TUBGCP3: variants seen among roughly 807,000 people sequenced by gnomAD.
TUBGCP3 encodes the protein gamma-tubulin complex component 3.
Under a neutral mutation model 123.1 loss-of-function variants are expected in TUBGCP3, and 50 were observed. The ratio of observed to expected loss-of-function variants is 0.41; its 90% CI spans 0.32 to 0.51. The LOEUF is 0.51. Among genes scored for constraint, TUBGCP3 ranks in the 20% least tolerant of loss-of-function variants. TUBGCP3 has a pLI of 0.36. For missense variants in TUBGCP3, 882 were observed against 1,127.0 expected (o/e 0.78, Z 3.11); for synonymous variants, 405 against 413.9 (o/e 0.98, Z 0.26).
intron 11 of TUBGCP3, among the ~76,000 whole-genome samples, chr13:112,531,462 C>G (rs896662461): frequency 6.6e-6 from 1 of 152,180 alleles, no homozygotes; most frequent in Non-Finnish European, 1.5e-5. Flanking sequence ...GACGAAGTCA[C>G]CGCGCTCATG....
rs760968217 is a variant in TUBGCP3 at position 112,519,860 on chromosome 13, G to A, written c.1881+26C>T. On this transcript the variant is annotated intron_variant, in intron 15 of 21. Coordinates refer to ENST00000261965, the MANE Select transcript of TUBGCP3 (RefSeq NM_006322.6). This position sits in a 1 kb window ranked among gnomAD's most constrained non-coding sequence, Gnocchi z 6.2. The stretch of plus-strand genomic sequence containing the variant: ...AGTGGGTCCTCGGTGCCGGGGCGGC[G>A]TTCCCAACACGCAGAGCCGCAGTAC... 1.0e-5 allele frequency: 16 copies of A among 1,604,498 alleles called. No homozygotes were observed. The highest frequency in any genetic ancestry group is 2.2e-5 in the South Asian group (2 of 90,318).
chr13:112,490,237 A>G (rs754836508), intron 20 of TUBGCP3, among the ~76,000 whole-genome samples: 2 of 152,204 alleles, frequency 1.3e-5, no homozygotes, highest in Non-Finnish European at 2.9e-5. Flanking sequence ...CTTCTCAGAT[A>G]GCATATATAG....
intron 4 of TUBGCP3, 32 bp downstream of exon 4, chr13:112,559,290 G>A (rs887079958): frequency 1.3e-5 from 21 of 1,589,460 alleles, no homozygotes; most frequent in South Asian, 3.5e-5. Context: ...GTGTCCCGAC[G>A]GACACGACGC....
chr13:112,600,505 T>C, the TUBGCP3 span, among the ~76,000 whole-genome samples: 1 of 152,224 alleles, frequency 6.6e-6, no homozygotes, highest in Non-Finnish European at 1.5e-5. Context: ...GAAAAACTCC[T>C]ATCTTTCAGG....
intron 9 of TUBGCP3, 70 bp downstream of exon 9, chr13:112,548,038 C>T (rs1879214014): frequency 8.2e-7 from 1 of 1,222,716 alleles, no homozygotes; most frequent in African/African-American, 1.5e-5. Context: ...GAACTTAAAA[C>T]ATTCTATATA....
At chr13:112,542,795 A>C (rs1404169290) in intron 11 of TUBGCP3, among the ~76,000 whole-genome samples, 3 of 152,180 alleles carry the variant, frequency 2.0e-5, no homozygotes, top group Non-Finnish European at 4.4e-5. Context: ...CTTAATACAA[A>C]TTGCATATAA....
At chr13:112,527,536 A>G in intron 11 of TUBGCP3, 52 bp from the exon 12 acceptor site, 1 of 1,242,018 alleles carries the variant, frequency 8.1e-7, no homozygotes, top group Non-Finnish European at 1.2e-6. Context: ...ATGGCAAAAT[A>G]TTAACCAACA....
chr13:112,587,045 T>C (rs539184502), intron 1 of TUBGCP3, among the ~76,000 whole-genome samples: 5 of 152,308 alleles, frequency 3.3e-5, no homozygotes, highest in East Asian at 1.9e-4. Flanking sequence ...CCTTCAAAAA[T>C]TGAGTAACTT....
chr13:112,539,817 C>T (rs1284379038), intron 11 of TUBGCP3, among the ~76,000 whole-genome samples: 1 of 151,754 alleles, frequency 6.6e-6, no homozygotes, highest in Non-Finnish European at 1.5e-5. Context: ...GGAAAGGATA[C>T]CTGGGAATGA....
chr13:112,492,937 T>C (rs1440737099), intron 20 of TUBGCP3, among the ~76,000 whole-genome samples: 3 of 148,954 alleles, frequency 2.0e-5, no homozygotes, highest in Non-Finnish European at 4.5e-5. Flanking sequence ...ACTCTAGCTA[T>C]GGGAACGGGG....
upstream of TUBGCP3, chr13:112,588,196 C>G: frequency 4.9e-6 from 2 of 405,122 alleles, no homozygotes; most frequent in Non-Finnish European, 8.7e-6. Flanking sequence ...GCGCCGCGGC[C>G]GCGCGTGCGG....
rs2139169803 is a variant in TUBGCP3 at position 112,485,695 on chromosome 13, CAT to C, written c.*296_*297del. ...TTAAAGTGACAAATATAAATTATAACATAGAAAGCTTAAGAAGCCTCAGCAAA... is the reference window on the plus strand; with the variant it reads ...TTAAAGTGACAAATATAAATTATAACAGAAAGCTTAAGAAGCCTCAGCAAA... On this transcript the variant is annotated 3_prime_UTR_variant, in exon 22 of 22. Transcript: ENST00000261965. 3.0e-6 allele frequency: 1 copy of C among 330,062 alleles called. No individual in the cohort carries two copies. The highest frequency in any genetic ancestry group is 5.0e-5 in the East Asian group (1 of 20,050). The allele number at this position is 330,062 out of a possible 1,614,324, so 20.4% of individuals were successfully genotyped here.
At chr13:112,500,418 C>T (rs142398108) in intron 19 of TUBGCP3, among the ~76,000 whole-genome samples, 145 of 152,082 alleles carry the variant, frequency 9.5e-4, no homozygotes, top group African/African-American at 2.1e-3. Flanking sequence ...GCTAACACTC[C>T]GAAGCGTGAA....
chr13:112,515,653 C>T (rs775675890), intron 17 of TUBGCP3, among the ~76,000 whole-genome samples: 2 of 152,218 alleles, frequency 1.3e-5, no homozygotes, highest in Non-Finnish European at 2.9e-5. Context: ...TCCCTCTCAG[C>T]TAATTCAGAG....
Position 112,565,190 on chromosome 13 carries a change from GA to G in TUBGCP3, c.185-13del, listed in dbSNP as rs762598814. 5 of 1,603,144 alleles carry G rather than the reference GA, an allele frequency of 3.1e-6. No homozygotes were observed. Among genetic ancestry groups the G allele is most frequent in the South Asian group, 1.1e-5 (1 of 90,122 alleles). ...TCGTTGTCGAATAACTGAAAAGACA[GA>G]AAAAAAATAAGTGTGGTAACTACAA... On this transcript the variant is annotated splice_polypyrimidine_tract_variant and intron_variant, in intron 2 of 21. Transcript: ENST00000261965.
chr13:112,553,984 A>G, intron 8 of TUBGCP3, 73 bp downstream of exon 8: 1 of 1,561,100 alleles, frequency 6.4e-7, no homozygotes. Context: ...GCTATTTCAC[A>G]GTAAGATTTC....
the TUBGCP3 span, chr13:112,604,156 C>T: frequency 6.6e-6 from 1 of 152,206 alleles, no homozygotes; most frequent in Admixed American, 6.5e-5. Context: ...ACCTACCAGT[C>T]TCTTATTAGG....
chr13:112,536,477 T>C (rs1200368241), intron 11 of TUBGCP3, among the ~76,000 whole-genome samples: 2 of 152,232 alleles, frequency 1.3e-5, no homozygotes, highest in African/African-American at 2.4e-5. Context: ...TCAACAATGA[T>C]CTATTCTTTT....
Position 112,538,694 on chromosome 13 carries a change from C to T in TUBGCP3, c.1335+7005G>A, listed in dbSNP as rs113838276. 6.1e-3 allele frequency among the ~76,000 whole-genome samples: 924 copies of T among 152,164 alleles called. 7 individuals carry two copies. The highest frequency in any genetic ancestry group is 0.021 in the African/African-American group (892 of 41,528). ...TTTGCACTTTTATTATAAAAAGAAG[C>T]ATTTTCTTATATAGATATACAATAA... On this transcript the variant is annotated intron_variant, in intron 11 of 21. Coordinates refer to ENST00000261965, the MANE Select transcript of TUBGCP3 (RefSeq NM_006322.6).
Sources: gnomAD v4.1 joint callset for allele counts (sites outside exome capture counted in the v4.1 genomes callset) on GRCh38, gnomAD v4.1.1 for gene constraint, Gnocchi (gnomAD v3.1) non-coding constraint, MANE v1.5 for transcripts, NCBI Gene and HGNC (gene_info 2026-07-23, HGNC 2026-07-21) for gene names.